Variants in SPOCK3 observed in about 807,000 individuals in gnomAD.
SPOCK3 encodes testican-3.
In SPOCK3, 30 loss-of-function variants were observed where a neutral mutation model predicts 56.6. The observed-to-expected ratio is 0.53, with a 90% confidence interval of 0.40 to 0.72. The LOEUF (loss-of-function observed/expected upper bound fraction) is 0.72, where lower values mean the gene tolerates loss of function less well. Among genes scored for constraint, SPOCK3 ranks in the 30% least tolerant of loss-of-function variants. SPOCK3 has a pLI of 0.00. For missense variants in SPOCK3, 527 were observed against 530.0 expected, an observed-to-expected ratio of 0.99 and a Z score of 0.06; for synonymous variants, 196 against 183.3, an observed-to-expected ratio of 1.07 and a Z score of -0.56.
intron 4 of SPOCK3, among the ~76,000 whole-genome samples, chr4:166,962,750 G>A (rs1018642515): frequency 6.6e-6 from 1 of 152,008 alleles, no homozygotes; most frequent in Admixed American, 6.6e-5. Context: ...GGTAGCTGTT[G>A]AAAATGACTT....
chr4:166,735,434 T>C (rs1734125362), intron 10 of SPOCK3, among the ~76,000 whole-genome samples: 1 of 151,970 alleles, frequency 6.6e-6, no homozygotes, highest in East Asian at 1.9e-4. Context: ...GGCAGAAAAA[T>C]TGCCCTACCA....
intron 2 of SPOCK3, among the ~76,000 whole-genome samples, chr4:167,130,163 A>G (rs906825619): frequency 1.3e-5 from 2 of 152,024 alleles, no homozygotes; most frequent in African/African-American, 2.4e-5. Flanking sequence ...AGAGGTTTTC[A>G]TTATGTTGCC....
chr4:167,047,124 G>C (rs752911825), intron 3 of SPOCK3, among the ~76,000 whole-genome samples: 1 of 152,152 alleles, frequency 6.6e-6, no homozygotes, highest in Non-Finnish European at 1.5e-5. Flanking sequence ...CATTTCTGAA[G>C]ATAAGTATAG....
intron 2 of SPOCK3, among the ~76,000 whole-genome samples, chr4:167,186,687 A>T (rs1017162795): frequency 2.0e-5 from 3 of 152,062 alleles, no homozygotes; most frequent in African/African-American, 7.2e-5. Context: ...TATTCAAGAC[A>T]GTAGTCCAGC....
At chr4:167,195,720 C>G (rs1356715927) in intron 2 of SPOCK3, among the ~76,000 whole-genome samples, 1 of 152,146 alleles carries the variant, frequency 6.6e-6, no homozygotes, top group Non-Finnish European at 1.5e-5. Flanking sequence ...AAACGCATTG[C>G]AGATGTGTTC....
chr4:166,870,675 A>C (rs898726386), intron 6 of SPOCK3, among the ~76,000 whole-genome samples: 3 of 152,156 alleles, frequency 2.0e-5, no homozygotes, highest in South Asian at 2.1e-4. Context: ...CAACTCATAA[A>C]AATTTTTGAA....
rs116429057 is a variant in SPOCK3 at position 167,210,325 on chromosome 4, T to C, written c.189+23660A>G. Among the ~76,000 whole-genome samples, 1,426 of 152,232 alleles carry C rather than the reference T, an allele frequency of 9.4e-3. 14 individuals carry two copies. Among genetic ancestry groups the C allele is most frequent in the Non-Finnish European group, 0.013 (893 of 68,010 alleles). ...TGTCATGGACTCTGTGAGGCCTTCA[T>C]TGAATCACCTCCCACTACAGATGTA... On this transcript the variant is annotated intron_variant, in intron 2 of 10. Coordinates refer to ENST00000357545, the MANE Select transcript of SPOCK3 (RefSeq NM_001040159.2).
chr4:167,136,721 G>C (rs2150391653), intron 2 of SPOCK3, among the ~76,000 whole-genome samples: 1 of 152,192 alleles, frequency 6.6e-6, no homozygotes, highest in East Asian at 1.9e-4. Flanking sequence ...TAAAATACCA[G>C]ACATGAGTGT....
At chr4:167,119,812 CAT>C (rs1393383564) in intron 2 of SPOCK3, 20 of 1,534,432 alleles carry the variant, frequency 1.3e-5, no homozygotes, top group Non-Finnish European at 1.7e-5. Context: ...GCCCAGAAGA[CAT>C]GTGGATGTGA....
intron 6 of SPOCK3, among the ~76,000 whole-genome samples, chr4:166,884,248 G>T (rs1733965237): frequency 6.6e-6 from 1 of 152,006 alleles, no homozygotes. Context: ...AGCTACTCGG[G>T]AGGCTGAGGC....
At chr4:167,112,955 C>T (rs1425532346) in intron 2 of SPOCK3, among the ~76,000 whole-genome samples, 2 of 152,088 alleles carry the variant, frequency 1.3e-5, no homozygotes, top group Non-Finnish European at 2.9e-5. Flanking sequence ...TCCAAGGACG[C>T]TGGATAACTA....
chr4:167,124,027 G>A (rs1387241233), intron 2 of SPOCK3, among the ~76,000 whole-genome samples: 1 of 152,116 alleles, frequency 6.6e-6, no homozygotes, highest in African/African-American at 2.4e-5. Flanking sequence ...TTACAGGCCT[G>A]AGCCACCACG....
intron 2 of SPOCK3, among the ~76,000 whole-genome samples, chr4:167,097,217 T>G (rs1759237250): frequency 6.6e-6 from 1 of 151,910 alleles, no homozygotes; most frequent in African/African-American, 2.4e-5. Flanking sequence ...TTTAAATAAC[T>G]GCTTTCTATT....
At chr4:167,105,105 TAG>T (rs1252325940) in intron 2 of SPOCK3, among the ~76,000 whole-genome samples, 2 of 151,874 alleles carry the variant, frequency 1.3e-5, no homozygotes, top group Non-Finnish European at 2.9e-5. Context: ...CAAGAAATGC[TAG>T]AGAGTTTTTC....
intron 2 of SPOCK3, among the ~76,000 whole-genome samples, chr4:167,078,247 C>A (rs1383124884): frequency 1.3e-5 from 2 of 150,256 alleles, no homozygotes; most frequent in African/African-American, 4.9e-5. Context: ...ATTATCAGGT[C>A]ATAATGTTTA....
chr4:167,142,947 C>T (rs1342850592), intron 2 of SPOCK3, among the ~76,000 whole-genome samples: 2 of 151,858 alleles, frequency 1.3e-5, no homozygotes, highest in East Asian at 1.9e-4. Flanking sequence ...GAAGTCAATA[C>T]ATAATATTAT....
chr4:167,147,026 GT>G (rs1362998612), intron 2 of SPOCK3, among the ~76,000 whole-genome samples: 1 of 152,010 alleles, frequency 6.6e-6, no homozygotes, highest in Non-Finnish European at 1.5e-5. Context: ...CCAGGAGTTG[GT>G]TTTTTGAAGA....
chr4:167,144,640 A>C (rs1411366862), intron 2 of SPOCK3, among the ~76,000 whole-genome samples: 2 of 151,858 alleles, frequency 1.3e-5, no homozygotes, highest in South Asian at 2.1e-4. Context: ...AAGATAAATA[A>C]GAGAAAAGTG....
intron 5 of SPOCK3, among the ~76,000 whole-genome samples, chr4:166,894,662 C>G (rs1295898313): frequency 6.6e-6 from 1 of 152,082 alleles, no homozygotes; most frequent in Non-Finnish European, 1.5e-5. Context: ...TAGTCACGAA[C>G]AAGTTAAAAT....
Sources: gnomAD v4.1 joint callset for allele counts (sites outside exome capture counted in the v4.1 genomes callset) on GRCh38, gnomAD v4.1.1 for gene constraint, MANE v1.5 for transcripts, NCBI Gene and HGNC (gene_info 2026-07-23, HGNC 2026-07-21) for gene names.